GPC6: variants seen among roughly 807,000 people sequenced by gnomAD.
GPC6 encodes glypican 6.
In GPC6, 14 loss-of-function variants were observed where a neutral mutation model predicts 55.2. The ratio of observed to expected loss-of-function variants is 0.25; its 90% CI spans 0.17 to 0.40. GPC6 has a LOEUF of 0.40. Ranked by LOEUF, GPC6 falls within the 10% of genes least tolerant of loss-of-function variation. The pLI is 1.00. For missense variants in GPC6, 641 were observed against 708.5 expected (o/e 0.90, Z 1.08); for synonymous variants, 278 against 259.6 (o/e 1.07, Z -0.68).
chr13:93,856,896 A>T (rs1175074804), intron 3 of GPC6, among the ~76,000 whole-genome samples: 1 of 151,622 alleles, frequency 6.6e-6, no homozygotes, highest in African/African-American at 2.4e-5. Flanking sequence ...GCAAAGCCAA[A>T]TTTCTTGTGG....
intron 1 of GPC6, among the ~76,000 whole-genome samples, chr13:93,298,033 T>G (rs1319568542): frequency 2.0e-5 from 3 of 152,166 alleles, no homozygotes; most frequent in Admixed American, 6.5e-5. Context: ...CATGAAGTAC[T>G]TGGAGGAAAG....
rs182079695 is a variant in GPC6, at chr13:93,655,953, G to A, written c.319+110532G>A. 9.3e-4 allele frequency among the ~76,000 whole-genome samples: 142 copies of A among 152,132 alleles called. 1 individual carries two copies. Among genetic ancestry groups the A allele is most frequent in the African/African-American group, 3.4e-3 (141 of 41,514 alleles). On this transcript the variant is annotated intron_variant, in intron 2 of 8. Coordinates refer to ENST00000377047, the MANE Select transcript of GPC6 (RefSeq NM_005708.5). ...TATGCGTATATGAATTTATTCTTTT[G>A]ATAAAATATATTTTTAAAGTATTGC...
intron 1 of GPC6, among the ~76,000 whole-genome samples, chr13:93,439,326 TG>T (rs2139285754): frequency 6.6e-6 from 1 of 152,194 alleles, no homozygotes; most frequent in African/African-American, 2.4e-5. Flanking sequence ...AGGGACCCAG[TG>T]GGAGGTATCT....
At chr13:94,183,364 A>C (rs1043437426) in intron 4 of GPC6, among the ~76,000 whole-genome samples, 1 of 152,174 alleles carries the variant, frequency 6.6e-6, no homozygotes, top group African/African-American at 2.4e-5. Context: ...AGGTCTATCC[A>C]TGTCATAGAA....
chr13:93,789,608 T>TACTACATATATATATAATACTAC (rs3077838), intron 2 of GPC6, among the ~76,000 whole-genome samples: 84 of 33,038 alleles, frequency 2.5e-3, no homozygotes, highest in African/African-American at 0.012. Flanking sequence ...CATATATATA[T>TACTACATATATATATAATACTAC]ATATATATAT....
intron 3 of GPC6, among the ~76,000 whole-genome samples, chr13:93,949,269 C>A (rs1364664007): frequency 6.6e-6 from 1 of 152,130 alleles, no homozygotes; most frequent in African/African-American, 2.4e-5. Context: ...GATAATGAAG[C>A]AATTTATGAC....
intron 2 of GPC6, among the ~76,000 whole-genome samples, chr13:93,662,778 G>A (rs528394597): frequency 6.6e-6 from 1 of 152,004 alleles, no homozygotes; most frequent in South Asian, 2.1e-4. Flanking sequence ...GTAATATCTT[G>A]AACTTGATAT....
At chr13:94,004,751 A>G (rs1344602383) in intron 3 of GPC6, among the ~76,000 whole-genome samples, 2 of 152,120 alleles carry the variant, frequency 1.3e-5, no homozygotes, top group Non-Finnish European at 1.5e-5. Flanking sequence ...ATGATGAACT[A>G]TAGCTCTTTA....
rs897222882 is a variant in GPC6 at position 93,539,749 on chromosome 13, T to C, written c.161-5514T>C. Reference sequence around the variant, plus strand: ...TCTTGTTGTCCAGGCTAGAGTGCAATGACGTGACCTCAGCTCACTGCAGCC... The same window carrying C: ...TCTTGTTGTCCAGGCTAGAGTGCAACGACGTGACCTCAGCTCACTGCAGCC... On this transcript the variant is annotated intron_variant, in intron 1 of 8. Coordinates refer to ENST00000377047, the MANE Select transcript of GPC6 (RefSeq NM_005708.5). Among the ~76,000 whole-genome samples, 3 of 150,132 alleles carry C rather than the reference T, an allele frequency of 2.0e-5. No individual in the cohort carries two copies. In the South Asian group the frequency reaches 6.3e-4, roughly 32 times the overall value.
chr13:93,285,616 CTG>C (rs754671051), intron 1 of GPC6, among the ~76,000 whole-genome samples: 13,327 of 103,318 alleles, frequency 0.13, 479 homozygotes, highest in Middle Eastern at 0.15. Context: ...GTATATACTG[CTG>C]TGTGTGTGTG....
Position 94,037,522 on chromosome 13 carries a change from T to C in GPC6, c.877+9628T>C, listed in dbSNP as rs115299741. On this transcript the variant is annotated intron_variant, in intron 4 of 8. Coordinates refer to ENST00000377047, the MANE Select transcript of GPC6 (RefSeq NM_005708.5). ...ATAAAAAAATACCTAATAGTATTTA[T>C]TGAGCACTTACTTTATACCAGACAA... 2.2e-3 allele frequency among the ~76,000 whole-genome samples: 333 copies of C among 152,100 alleles called. 2 individuals carry two copies. The highest frequency in any genetic ancestry group is 7.8e-3 in the African/African-American group (326 of 41,542).
chr13:93,325,893 T>C (rs1208062246), intron 1 of GPC6, among the ~76,000 whole-genome samples: 2 of 152,088 alleles, frequency 1.3e-5, no homozygotes, highest in African/African-American at 2.4e-5. Context: ...AGAGGAGGTA[T>C]TCAGGGCCCT....
rs1018060002 is a variant in GPC6 at position 93,442,863 on chromosome 13, T to C, written c.161-102400T>C. On this transcript the variant is annotated intron_variant, in intron 1 of 8. Coordinates refer to ENST00000377047, the MANE Select transcript of GPC6 (RefSeq NM_005708.5). ...GTTTTTTATCCCCTAACTATACCTATTTAGAAAGTAGATACTGATTGGTAA... is the reference window on the plus strand; with the variant it reads ...GTTTTTTATCCCCTAACTATACCTACTTAGAAAGTAGATACTGATTGGTAA... Among the ~76,000 whole-genome samples the C allele has an allele frequency of 2.0e-5, 3 of 152,132 alleles. No individual in the cohort carries two copies. The South Asian group carries it at 6.2e-4, about 32-fold the overall frequency.
At position 93,472,376 on chromosome 13, in the gene GPC6, T is replaced by C. The variant is rs369918876; in HGVS notation, c.161-72887T>C. ...ACATGCCTCCAAGGGAGACTGTAAG[T>C]CATGGAGGTGTGGAGTGGTGAGGGG... On this transcript the variant is annotated intron_variant, in intron 1 of 8. Transcript: ENST00000377047. 3.9e-5 allele frequency among the ~76,000 whole-genome samples: 6 copies of C among 152,100 alleles called. No individual in the cohort carries two copies. The East Asian group carries it at 5.8e-4, about 15-fold the overall frequency.
At chr13:94,297,480 A>G (rs1484056385) in intron 5 of GPC6, among the ~76,000 whole-genome samples, 1 of 152,186 alleles carries the variant, frequency 6.6e-6, no homozygotes, top group Non-Finnish European at 1.5e-5. Context: ...TTGCTTTGTA[A>G]AGTTCCTTGT....
intron 7 of GPC6, among the ~76,000 whole-genome samples, chr13:94,390,392 G>C (rs918981089): frequency 6.6e-6 from 1 of 152,160 alleles, no homozygotes; most frequent in Admixed American, 6.5e-5. Context: ...AAATAACTGA[G>C]AGTGGGTAAC....
intron 4 of GPC6, among the ~76,000 whole-genome samples, chr13:94,262,682 A>G (rs1891689405): frequency 6.6e-6 from 1 of 151,978 alleles, no homozygotes; most frequent in Non-Finnish European, 1.5e-5. Flanking sequence ...CAGAAAAAAA[A>G]AAAAAAAAAG....
At chr13:93,683,802 A>C (rs1200051287) in intron 2 of GPC6, among the ~76,000 whole-genome samples, 1 of 152,128 alleles carries the variant, frequency 6.6e-6, no homozygotes, top group Non-Finnish European at 1.5e-5. Context: ...TGCTATAACA[A>C]AGTATTATAG....
chr13:94,126,959 ATAT>A (rs1886840736), intron 4 of GPC6, among the ~76,000 whole-genome samples: 1 of 152,144 alleles, frequency 6.6e-6, no homozygotes, highest in Non-Finnish European at 1.5e-5. Context: ...AAAATCTCTA[ATAT>A]TTTATTCACT....
Sources: allele counts gnomAD v4.1 joint callset (sites outside exome capture counted in the v4.1 genomes callset), GRCh38; gene constraint gnomAD v4.1.1; transcripts MANE v1.5; gene names NCBI Gene and HGNC (gene_info 2026-07-23, HGNC 2026-07-21).